Variants in ICA1 observed in about 807,000 individuals in gnomAD.
The protein encoded by ICA1 is 69 kDa islet cell autoantigen.
In ICA1, 40 loss-of-function variants were observed where a neutral mutation model predicts 71.0. That is an observed-to-expected ratio of 0.56 (90% CI 0.44 to 0.73). ICA1 has a LOEUF of 0.73. ICA1 is among the 30% of genes least tolerant of loss of function. The pLI, the probability that ICA1 is intolerant of heterozygous loss-of-function variation, is 0.00. For synonymous variants in ICA1, 207 were observed against 209.5 expected, an observed-to-expected ratio of 0.99 and a Z score of 0.10; for missense variants, 578 against 576.5, an observed-to-expected ratio of 1.00 and a Z score of -0.03.
chr7:8,235,737 T>C (rs1333589118), intron 2 of ICA1, among the ~76,000 whole-genome samples, 173 bp downstream of exon 2: 1 of 152,226 alleles, frequency 6.6e-6, no homozygotes, highest in Non-Finnish European at 1.5e-5. Context: ...TTTTTGTTAC[T>C]TGGTTTTCAC....
intron 1 of ICA1, among the ~76,000 whole-genome samples, chr7:8,246,048 A>C (rs1805877135): frequency 6.6e-6 from 1 of 152,238 alleles, no homozygotes; most frequent in Non-Finnish European, 1.5e-5. Flanking sequence ...CACTTCTGCC[A>C]CAAGGCCCTT....
chr7:8,142,395 C>T (rs748532213), intron 9 of ICA1, among the ~76,000 whole-genome samples: 6 of 152,208 alleles, frequency 3.9e-5, no homozygotes, highest in Non-Finnish European at 5.9e-5. Context: ...AATTCACGTT[C>T]AGTGTTCACT....
At chr7:8,126,720 A>G (rs1387231999) in intron 13 of ICA1, among the ~76,000 whole-genome samples, 1 of 152,218 alleles carries the variant, frequency 6.6e-6, no homozygotes, top group East Asian at 1.9e-4. Flanking sequence ...AATTCATAGA[A>G]AAACCAAAAC....
chr7:8,255,779 C>CTTTTTTTT (rs573673718), intron 1 of ICA1, among the ~76,000 whole-genome samples: 6,408 of 132,428 alleles, frequency 0.048, 241 homozygotes, highest in African/African-American at 0.086. Context: ...ACTTCTTTCT[C>CTTTTTTTT]TTTTTTTTTT....
At chr7:8,210,826 C>G (rs56056929) in intron 6 of ICA1, among the ~76,000 whole-genome samples, 46,592 of 152,074 alleles carry the variant, frequency 0.31, 7,155 homozygotes, top group Non-Finnish European at 0.33. Context: ...GGGATCCTCA[C>G]CTCAGCTTCC....
At chr7:8,247,231 C>T (rs938507552) in intron 1 of ICA1, among the ~76,000 whole-genome samples, 3 of 152,236 alleles carry the variant, frequency 2.0e-5, no homozygotes, top group South Asian at 2.1e-4. Context: ...GCAAGTGGAA[C>T]GCTTGAGCCC....
intron 1 of ICA1, among the ~76,000 whole-genome samples, chr7:8,245,248 A>G (rs1805528342): frequency 1.3e-5 from 2 of 152,134 alleles, no homozygotes; most frequent in African/African-American, 4.8e-5. Flanking sequence ...GGATGAGTTC[A>G]TGTCCTTTGC....
At chr7:8,192,946 G>C (rs1347633653) in intron 6 of ICA1, among the ~76,000 whole-genome samples, 1 of 152,214 alleles carries the variant, frequency 6.6e-6, no homozygotes, top group Non-Finnish European at 1.5e-5. Flanking sequence ...TTTTTGGCAT[G>C]ACATGATGTT....
intron 6 of ICA1, among the ~76,000 whole-genome samples, chr7:8,191,160 G>A (rs1161395202): frequency 6.6e-6 from 1 of 152,146 alleles, no homozygotes; most frequent in Non-Finnish European, 1.5e-5. Context: ...TAATGTCCCT[G>A]CTATCATCTA....
chr7:8,251,680 C>G (rs1346625099), intron 1 of ICA1, among the ~76,000 whole-genome samples: 1 of 151,840 alleles, frequency 6.6e-6, no homozygotes, highest in African/African-American at 2.4e-5. Flanking sequence ...CAATTTGGTG[C>G]TCTCCTCTGT....
In ICA1 at chr7:8,234,420, C is replaced by T. The variant is rs1801205222; in HGVS notation, c.17+1490G>A. Reference sequence around the variant, plus strand: ...GCTCCCCTGACCCCCCCAGGCAACTCTCCTCTGTGGAGATGTACTTTCCTC... The same window carrying T: ...GCTCCCCTGACCCCCCCAGGCAACTTTCCTCTGTGGAGATGTACTTTCCTC... On this transcript the variant is annotated intron_variant, in intron 2 of 13. Transcript: ENST00000402384. The surrounding 1 kb of genome is among the most constrained non-coding windows in gnomAD (Gnocchi z 4.5). Among the ~76,000 whole-genome samples, 1 of 152,152 alleles carries T rather than the reference C, an allele frequency of 6.6e-6. No homozygotes were observed. Among genetic ancestry groups the T allele is most frequent in the Non-Finnish European group, 1.5e-5 (1 of 68,022 alleles).
chr7:8,193,979 AT>A (rs1363952605), intron 6 of ICA1, among the ~76,000 whole-genome samples: 13 of 152,224 alleles, frequency 8.5e-5, no homozygotes, highest in African/African-American at 2.9e-4. Context: ...TCCTAACAGC[AT>A]TCTTTTCATT....
chr7:8,189,798 G>A (rs906761338), intron 6 of ICA1, among the ~76,000 whole-genome samples: 2 of 152,064 alleles, frequency 1.3e-5, no homozygotes, highest in East Asian at 1.9e-4. Context: ...GGCTGGGCAG[G>A]GGGCCCAGGC....
rs907377902 is a variant in ICA1, at chr7:8,222,974, C to G, written c.257-1576G>C. Among the ~76,000 whole-genome samples, 7 of 152,210 alleles carry G rather than the reference C, an allele frequency of 4.6e-5. No individual in the cohort carries two copies. The highest frequency in any genetic ancestry group is 3.3e-4 in the Admixed American group (5 of 15,272). ...TTAAATTCACGGTGCTAATTAAATG[C>G]TTGTGAATTGAATTGACTACAATTT... On this transcript the variant is annotated intron_variant, in intron 4 of 13. Coordinates refer to ENST00000402384, the MANE Select transcript of ICA1 (RefSeq NM_001136020.3). This position sits in a 1 kb window ranked among gnomAD's most constrained non-coding sequence, Gnocchi z 4.8.
chr7:8,143,787 C>A (rs1049359050), intron 9 of ICA1, 88 bp downstream of exon 9: 13 of 804,300 alleles, frequency 1.6e-5, no homozygotes, highest in African/African-American at 5.2e-5. Flanking sequence ...AAGTCTGCGT[C>A]TGAGGCCCAG....
intron 8 of ICA1, among the ~76,000 whole-genome samples, chr7:8,153,507 C>T (rs922505431): frequency 1.3e-5 from 2 of 151,572 alleles, no homozygotes; most frequent in African/African-American, 2.4e-5. Flanking sequence ...TTTTTTTTTC[C>T]CCCTTGATAA....
In ICA1 at chr7:8,205,903, C is replaced by A. The variant is rs142067512; in HGVS notation, c.579+12402G>T. Among the ~76,000 whole-genome samples the A allele has an allele frequency of 2.8e-3, 424 of 152,310 alleles. 1 individual carries two copies. Among genetic ancestry groups the A allele is most frequent in the African/African-American group, 9.8e-3 (408 of 41,554 alleles). Reference sequence around the variant, plus strand: ...AAACCTCCATGTCAGGAGACGAAACCTCGGCCTGTAGGGTGCTGCAATCCA... The same window carrying A: ...AAACCTCCATGTCAGGAGACGAAACATCGGCCTGTAGGGTGCTGCAATCCA... On this transcript the variant is annotated intron_variant, in intron 6 of 13. Transcript: ENST00000402384.
At position 8,173,804 on chromosome 7, in the gene ICA1, T is replaced by C. The variant is rs1779607722; in HGVS notation, c.580-15152A>G. On this transcript the variant is annotated intron_variant, in intron 6 of 13. Transcript: ENST00000402384. The surrounding 1 kb of genome is among the most constrained non-coding windows in gnomAD (Gnocchi z 4.0). ...TTAATTCCTTTCTTCCCTCTCTTCC[T>C]CCTCCCAAGCAATATAATTGAACAC... 6.6e-6 allele frequency among the ~76,000 whole-genome samples: 1 copy of C among 151,650 alleles called. No homozygotes were observed. The highest frequency in any genetic ancestry group is 2.4e-5 in the African/African-American group (1 of 41,212).
intron 2 of ICA1, among the ~76,000 whole-genome samples, chr7:8,233,407 T>C (rs1366044434): frequency 1.3e-5 from 2 of 151,926 alleles, no homozygotes; most frequent in African/African-American, 2.4e-5. Flanking sequence ...TTTTTTTTTT[T>C]TTTGAGATGG....
Sources: gnomAD v4.1 joint callset for allele counts (sites outside exome capture counted in the v4.1 genomes callset) on GRCh38, gnomAD v4.1.1 for gene constraint, Gnocchi (gnomAD v3.1) non-coding constraint, MANE v1.5 for transcripts, NCBI Gene and HGNC (gene_info 2026-07-23, HGNC 2026-07-21) for gene names.